The following KCMF1 variants were observed in gnomAD, a reference collection of about 807,000 sequenced individuals.
KCMF1 encodes potassium channel modulatory factor 1.
Under a neutral mutation model 41.1 loss-of-function variants are expected in KCMF1, and 3 were observed. The ratio of observed to expected loss-of-function variants is 0.07; its 90% confidence interval spans 0.03 to 0.19. The LOEUF is 0.19. KCMF1 is among the 10% of genes least tolerant of loss of function. KCMF1 has a pLI of 1.00. For missense variants in KCMF1, 286 were observed against 488.9 expected (o/e 0.58, Z 3.91); for synonymous variants, 142 against 164.5 (o/e 0.86, Z 1.04).
At chr2:85,017,069 C>CT (rs1168255837) in intron 1 of KCMF1, among the ~76,000 whole-genome samples, 16 of 140,116 alleles carry the variant, frequency 1.1e-4, no homozygotes, top group Non-Finnish European at 1.5e-5. Context: ...CCAGGCGGGA[C>CT]TGCGGACTGC....
intron 1 of KCMF1, among the ~76,000 whole-genome samples, chr2:84,994,406 ACTT>A (rs1357680091): frequency 1.9e-4 from 29 of 151,208 alleles, no homozygotes; most frequent in African/African-American, 6.6e-4. Context: ...AACTAACAAT[ACTT>A]CTTTTTTTTT....
At chr2:84,977,740 A>G (rs571428134) in intron 1 of KCMF1, among the ~76,000 whole-genome samples, 1 of 152,250 alleles carries the variant, frequency 6.6e-6, no homozygotes, top group African/African-American at 2.4e-5. Context: ...GTTTGAATAA[A>G]TCGTAAATTA....
chr2:84,974,679 ATATATATATATATTTTTTTTTTT>A (rs1673492213), intron 1 of KCMF1, among the ~76,000 whole-genome samples: 1 of 36,336 alleles, frequency 2.8e-5, no homozygotes, highest in Admixed American at 3.2e-4. Context: ...ATATATATAT[ATATATATATATATTTTTTTTTTT>A]TTTTTTTTTT....
At chr2:85,045,312 C>T (rs1413578004) in intron 4 of KCMF1, among the ~76,000 whole-genome samples, 1 of 151,966 alleles carries the variant, frequency 6.6e-6, no homozygotes. Flanking sequence ...ATATCACTTT[C>T]TCTAGAACCC....
chr2:85,022,774 G>A (rs969507855), intron 1 of KCMF1, among the ~76,000 whole-genome samples: 5 of 151,974 alleles, frequency 3.3e-5, no homozygotes, highest in Non-Finnish European at 7.4e-5. Flanking sequence ...TTAAACCCCA[G>A]AGGGAGCCAC....
At chr2:84,984,941 T>C (rs1387770813) in intron 1 of KCMF1, among the ~76,000 whole-genome samples, 1 of 152,112 alleles carries the variant, frequency 6.6e-6, no homozygotes, top group Non-Finnish European at 1.5e-5. Context: ...TGCCTCAGCC[T>C]CCCAAAGTGT....
At chr2:84,998,964 A>ATCTATCTG (rs1674255046) in intron 1 of KCMF1, among the ~76,000 whole-genome samples, 1 of 77,576 alleles carries the variant, frequency 1.3e-5, no homozygotes, top group Non-Finnish European at 2.3e-5. Flanking sequence ...CTATCTATCT[A>ATCTATCTG]TCTGTCTGTC....
intron 1 of KCMF1, among the ~76,000 whole-genome samples, chr2:85,022,113 G>A (rs1003683800): frequency 9.9e-5 from 15 of 151,992 alleles, no homozygotes; most frequent in African/African-American, 2.9e-4. Flanking sequence ...CACCACGCCC[G>A]GCCTGTTTTT....
intron 1 of KCMF1, among the ~76,000 whole-genome samples, chr2:85,008,375 G>A (rs28830538): frequency 3.9e-4 from 11 of 27,850 alleles, no homozygotes; most frequent in South Asian, 3.5e-3. Context: ...TATATCATAT[G>A]ATATATTATA....
intron 1 of KCMF1, among the ~76,000 whole-genome samples, chr2:85,009,455 C>G (rs898772843): frequency 6.6e-6 from 1 of 152,198 alleles, no homozygotes; most frequent in African/African-American, 2.4e-5. Flanking sequence ...TGGGACATTG[C>G]TGTACAGATG....
chr2:85,039,507 G>A (rs536750345), intron 3 of KCMF1, among the ~76,000 whole-genome samples: 9 of 152,100 alleles, frequency 5.9e-5, no homozygotes, highest in African/African-American at 9.7e-5. Flanking sequence ...GCAGTGATTC[G>A]GTGTTTATAT....
chr2:84,992,671 C>T (rs565857741), intron 1 of KCMF1, among the ~76,000 whole-genome samples: 3 of 151,714 alleles, frequency 2.0e-5, no homozygotes, highest in South Asian at 4.2e-4. Flanking sequence ...CTAGCTCTGT[C>T]GCCCAGGCTG....
rs7581622 is a variant in KCMF1 at position 85,014,284 on chromosome 2, A to G, written c.17-13605A>G. ...GAAGTCAAGGGAAAAACAATAAACA[A>G]TGTGTTAAATATATATCTCCGTATC... On this transcript the variant is annotated intron_variant, in intron 1 of 6. Transcript: ENST00000409785. 1.3e-3 allele frequency among the ~76,000 whole-genome samples: 204 copies of G among 152,338 alleles called. 1 individual carries two copies. The highest frequency in any genetic ancestry group is 4.7e-3 in the African/African-American group (194 of 41,578).
At chr2:85,030,817 C>T (rs1675249226) in intron 2 of KCMF1, among the ~76,000 whole-genome samples, 1 of 152,218 alleles carries the variant, frequency 6.6e-6, no homozygotes, top group South Asian at 2.1e-4. Context: ...CACCCTCAGC[C>T]TTCCAAGTAA....
In KCMF1 at chr2:84,991,997, G is replaced by A. The variant is rs189787248; in HGVS notation, c.16+20530G>A. On this transcript the variant is annotated intron_variant, in intron 1 of 6. Coordinates refer to ENST00000409785, the MANE Select transcript of KCMF1 (RefSeq NM_020122.5). ...CTGAGGCCACACTTCTGCAATGGAT[G>A]AAATTTTCCTGTTTACTCTTAAGTT... Among the ~76,000 whole-genome samples the A allele has an allele frequency of 2.2e-4, 34 of 152,292 alleles. 2 individuals carry two copies. The East Asian group carries it at 5.8e-3, about 26-fold the overall frequency.
chr2:84,985,646 T>G (rs1375673692), intron 1 of KCMF1, among the ~76,000 whole-genome samples: 3 of 152,142 alleles, frequency 2.0e-5, no homozygotes, highest in African/African-American at 7.2e-5. Flanking sequence ...CTGGCCAACA[T>G]GGTGAAACCC....
chr2:85,025,911 T>G (rs1456468759), intron 1 of KCMF1, among the ~76,000 whole-genome samples: 2 of 152,190 alleles, frequency 1.3e-5, no homozygotes, highest in East Asian at 3.9e-4. Flanking sequence ...CTTAGCTGTA[T>G]TTGGGTTTTC....
At chr2:85,033,570 TGTAA>T (rs1208402184) in intron 2 of KCMF1, among the ~76,000 whole-genome samples, 1 of 152,270 alleles carries the variant, frequency 6.6e-6, no homozygotes, top group East Asian at 1.9e-4. Context: ...ACCAAACAGT[TGTAA>T]GTGACAGACA....
At chr2:85,050,020 C>T (rs1032415382) in intron 6 of KCMF1, among the ~76,000 whole-genome samples, 6 of 152,042 alleles carry the variant, frequency 3.9e-5, no homozygotes, top group Admixed American at 1.3e-4. Context: ...TGTGATGGTG[C>T]GCACCTGTAG....
Sources: gnomAD v4.1 joint callset for allele counts (sites outside exome capture counted in the v4.1 genomes callset) on GRCh38, gnomAD v4.1.1 for gene constraint, MANE v1.5 for transcripts, NCBI Gene and HGNC (gene_info 2026-07-23, HGNC 2026-07-21) for gene names.